Variants in ACBD3 observed in about 807,000 individuals in gnomAD.
ACBD3 encodes the protein acyl-CoA binding domain containing 3, also known as Golgi resident protein GCP60.
Under a neutral mutation model 66.9 loss-of-function variants are expected in ACBD3, and 30 were observed. That is an observed-to-expected ratio of 0.45 (90% CI 0.34 to 0.61). The LOEUF is 0.61. Among genes scored for constraint, ACBD3 ranks in the 20% least tolerant of loss-of-function variants. The probability of loss-of-function intolerance (pLI) is 0.02; values close to 1 mark genes in which losing one functional copy is unlikely to be tolerated. For missense variants in ACBD3, 544 were observed against 664.5 expected (o/e 0.82, Z 1.99); for synonymous variants, 278 against 259.8 (o/e 1.07, Z -0.68).
At chr1:226,182,223 T>C (rs1656186753) in intron 1 of ACBD3, among the ~76,000 whole-genome samples, 1 of 146,444 alleles carries the variant, frequency 6.8e-6, no homozygotes, top group Admixed American at 7.0e-5. Context: ...AAAACCAGAC[T>C]GTCTAAAAAA....
Position 226,167,331 on chromosome 1 carries a change from A to G in ACBD3, c.287-1331T>C, listed in dbSNP as rs567022897. On this transcript the variant is annotated intron_variant, in intron 1 of 7. Transcript: ENST00000366812. Reference sequence around the variant, plus strand: ...ATCTCAGCTGAGACACTTCCTAGCTATGTGACTATTTAACCTCTCAGTTTA... The same window carrying G: ...ATCTCAGCTGAGACACTTCCTAGCTGTGTGACTATTTAACCTCTCAGTTTA... Among the ~76,000 whole-genome samples, 38 of 152,320 alleles carry G rather than the reference A, an allele frequency of 2.5e-4. No homozygotes were observed. In the South Asian group the frequency reaches 7.5e-3, roughly 30 times the overall value.
intron 1 of ACBD3, among the ~76,000 whole-genome samples, chr1:226,172,807 G>A (rs1452725533): frequency 6.6e-6 from 1 of 152,070 alleles, no homozygotes; most frequent in Non-Finnish European, 1.5e-5. Flanking sequence ...AGCTGGGTGT[G>A]GTGGCATACA....
chr1:226,148,002 C>T (rs1378214348), intron 7 of ACBD3: 1 of 152,068 alleles, frequency 6.6e-6, no homozygotes, highest in Admixed American at 6.6e-5. Flanking sequence ...TATAACATGG[C>T]AGAGTGAATT....
At position 226,157,122 on chromosome 1, in the gene ACBD3, T is replaced by C. The variant is rs564157128; in HGVS notation, c.903+2062A>G. Among the ~76,000 whole-genome samples the C allele has an allele frequency of 3.9e-4, 60 of 152,298 alleles. No homozygotes were observed. In the South Asian group the frequency reaches 0.012, roughly 31 times the overall value. On this transcript the variant is annotated intron_variant, in intron 5 of 7. Transcript: ENST00000366812. ...GTTCATTTTGCTATTTATATAAAAA[T>C]TAATATTTTATAGGAGTAAAGTTCC... is the stretch of plus-strand genomic sequence containing the variant.
rs573049184 is a variant in ACBD3, at chr1:226,184,663, A to G, written c.286+1727T>C. 9.9e-5 allele frequency among the ~76,000 whole-genome samples: 15 copies of G among 152,280 alleles called. 1 individual carries two copies. In the South Asian group the frequency reaches 2.5e-3, roughly 25 times the overall value. On this transcript the variant is annotated intron_variant, in intron 1 of 7. Coordinates refer to ENST00000366812, the MANE Select transcript of ACBD3 (RefSeq NM_022735.4). The stretch of plus-strand genomic sequence containing the variant: ...GAATCCAGAGCTTCCTGACTCTCCA[A>G]ACAATGTTAAGTATACTACACGTTA...
chr1:226,173,762 T>C (rs913861525), intron 1 of ACBD3, among the ~76,000 whole-genome samples: 128 of 135,082 alleles, frequency 9.5e-4, no homozygotes, highest in Admixed American at 1.7e-3. Flanking sequence ...CTTTTCTTTT[T>C]TTTTTTTTTT....
chr1:226,152,626 G>C lies in ACBD3; in HGVS notation c.1091-7C>G. Reference sequence around the variant, plus strand: ...GCTATTACTGGAAGAGATTCTAAAGGCAATAGGTATTAAAAAGCTAAAGAA... The same window carrying C: ...GCTATTACTGGAAGAGATTCTAAAGCCAATAGGTATTAAAAAGCTAAAGAA... On this transcript the variant is annotated splice_region_variant and splice_polypyrimidine_tract_variant and intron_variant, in intron 6 of 7. Transcript: ENST00000366812. The C allele has an allele frequency of 6.2e-7, 1 of 1,610,172 alleles. No individual in the cohort carries two copies. The highest frequency in any genetic ancestry group is 1.1e-5 in the South Asian group (1 of 90,700).
In ACBD3 at chr1:226,145,978, T is replaced by C. The variant is rs559775060; in HGVS notation, c.*632A>G. ...TCTACGTATCTTGATACTTCAATTA[T>C]CAATTAGTTTTGAACATTCTAGTTT... On this transcript the variant is annotated 3_prime_UTR_variant, in exon 8 of 8. Coordinates refer to ENST00000366812, the MANE Select transcript of ACBD3 (RefSeq NM_022735.4). 11 of 152,796 alleles carry C rather than the reference T, an allele frequency of 7.2e-5. No homozygotes were observed. Among genetic ancestry groups the C allele is most frequent in the African/African-American group, 2.6e-4 (11 of 41,578 alleles). The allele number at this position is 152,796 out of a possible 1,614,324, so 9.5% of individuals were successfully genotyped here. A position where few individuals can be genotyped will look rare whatever the true frequency, so the allele number is the denominator to read the frequency against.
Position 226,166,484 on chromosome 1 carries a change from A to ATT in ACBD3, c.287-486_287-485dup, listed in dbSNP as rs200962496. 1.5e-3 allele frequency among the ~76,000 whole-genome samples: 189 copies of ATT among 122,472 alleles called. 2 individuals carry two copies. Among genetic ancestry groups the ATT allele is most frequent in the African/African-American group, 5.4e-3 (177 of 32,838 alleles). The allele number at this position is 122,472 out of a possible 152,430, so 80.3% of individuals were successfully genotyped here. A position where few individuals can be genotyped will look rare whatever the true frequency, so the allele number is the denominator to read the frequency against. The stretch of plus-strand genomic sequence containing the variant: ...CCTAAGACGGAAATCCGGTATGCTG[A>ATT]TTTTTTTTTTTTTTTTTTTGAGACA... On this transcript the variant is annotated intron_variant, in intron 1 of 7. Coordinates refer to ENST00000366812, the MANE Select transcript of ACBD3 (RefSeq NM_022735.4).
At chr1:226,175,998 T>C (rs1011286459) in intron 1 of ACBD3, among the ~76,000 whole-genome samples, 2 of 152,166 alleles carry the variant, frequency 1.3e-5, no homozygotes, top group Non-Finnish European at 2.9e-5. Context: ...AGAATTAAGG[T>C]TGCAGTTGGC....
At chr1:226,176,182 C>CT (rs1454566673) in intron 1 of ACBD3, among the ~76,000 whole-genome samples, 1 of 152,200 alleles carries the variant, frequency 6.6e-6, no homozygotes, top group African/African-American at 2.4e-5. Flanking sequence ...AATCCCAGCA[C>CT]TTTGGGAAGC....
At position 226,186,487 on chromosome 1, in the gene ACBD3, C is replaced by G. The variant is rs752296869; in HGVS notation, c.189G>C (p.Ala63=). The G allele has an allele frequency of 4.0e-6, 6 of 1,488,560 alleles. No homozygotes were observed. The Admixed American group carries it at 1.4e-4, about 34-fold the overall frequency. 92.2% of individuals were successfully genotyped at this position (1,488,560 alleles called of 1,614,324 possible). ...ASGEQPEPGE[A]AAGGAAEEAR... ...CCTCCTCCGCCGCGCCCCCAGCCGCCGCCTCCCCGGGCTCGGGCTGCTCCC... is the reference window on the plus strand; with the variant it reads ...CCTCCTCCGCCGCGCCCCCAGCCGCGGCCTCCCCGGGCTCGGGCTGCTCCC... Residue 63 remains alanine, a synonymous_variant, in exon 1 of 8, where the codon GCG becomes GCC. Coordinates refer to ENST00000366812, the MANE Select transcript of ACBD3 (RefSeq NM_022735.4).
At chr1:226,150,955 C>A (rs888844585) in intron 7 of ACBD3, among the ~76,000 whole-genome samples, 1 of 152,154 alleles carries the variant, frequency 6.6e-6, no homozygotes, top group African/African-American at 2.4e-5. Flanking sequence ...ACGGAATTAT[C>A]TTTGGATTAT....
In ACBD3 at chr1:226,152,549, A is replaced by C. The variant is rs1659597479; in HGVS notation, c.1161T>G (p.Ile387Met). The C allele has an allele frequency of 6.2e-7, 1 of 1,614,084 alleles. No homozygotes were observed. The highest frequency in any genetic ancestry group is 8.5e-7 in the Non-Finnish European group (1 of 1,180,054). The change falls in exon 7 of 8, where the codon ATT becomes ATG. Residue 387 changes from isoleucine (I) to methionine (M), a missense_variant. Around this residue, in one of 3 missense-constraint regions of ACBD3, gnomAD observed 383 missense variants for 462.4 expected, o/e 0.83. Transcript: ENST00000366812. ...RPQIKDFKEK[I>M]QQDADSVITV... ...TAATCACGGAATCTGCATCCTGCTG[A>C]ATCTTCTCTTTGAAGTCTTTGATCT...
intron 1 of ACBD3, among the ~76,000 whole-genome samples, chr1:226,181,019 TGAC>T (rs1656159876): frequency 6.7e-6 from 1 of 148,520 alleles, no homozygotes; most frequent in East Asian, 2.0e-4. Context: ...AAAAAAACAA[TGAC>T]AACAACAACA....
At chr1:226,178,374 T>C (rs1656095480) in intron 1 of ACBD3, among the ~76,000 whole-genome samples, 1 of 151,320 alleles carries the variant, frequency 6.6e-6, no homozygotes, top group Non-Finnish European at 1.5e-5. Context: ...TTCGAGACCA[T>C]CCTGGCTAAC....
chr1:226,180,808 GACTA>G (rs1243808660), intron 1 of ACBD3, among the ~76,000 whole-genome samples: 1 of 152,118 alleles, frequency 6.6e-6, no homozygotes, highest in African/African-American at 2.4e-5. Flanking sequence ...AGACCAGCCT[GACTA>G]ACATGGTGAA....
chr1:226,179,263 G>A (rs1475469292), intron 1 of ACBD3, among the ~76,000 whole-genome samples: 1 of 152,142 alleles, frequency 6.6e-6, no homozygotes, highest in Non-Finnish European at 1.5e-5. Flanking sequence ...TGACTAAACA[G>A]CAGCCATTAT....
At chr1:226,170,192 C>CT (rs1659966040) in intron 1 of ACBD3, among the ~76,000 whole-genome samples, 1 of 140,802 alleles carries the variant, frequency 7.1e-6, no homozygotes, top group Non-Finnish European at 1.5e-5. Context: ...GAGTCTCACT[C>CT]TGTCACCCAG....
Sources: gnomAD v4.1 joint callset for allele counts (sites outside exome capture counted in the v4.1 genomes callset) on GRCh38, gnomAD v4.1.1 for gene constraint, gnomAD v4.1.1 regional missense constraint, MANE v1.5 for transcripts, NCBI Gene and HGNC (gene_info 2026-07-23, HGNC 2026-07-21) for gene names.